Variants in UGT2A1 observed in about 807,000 individuals in gnomAD.
The protein encoded by UGT2A1 is UDP-glucuronosyltransferase 2A1.
In UGT2A1, 61 loss-of-function variants were observed where a neutral mutation model predicts 45.4. The ratio of observed to expected loss-of-function variants is 1.34; its 90% CI spans 1.09 to 1.66. The LOEUF (loss-of-function observed/expected upper bound fraction) is 1.66. Ranked by LOEUF, UGT2A1 falls within the 40% of genes most tolerant of loss-of-function variation. The pLI, the probability that UGT2A1 is intolerant of heterozygous loss-of-function variation, is 0.00. For missense variants in UGT2A1, 649 were observed against 574.3 expected (o/e 1.13, Z -1.33); for synonymous variants, 229 against 196.2 (o/e 1.17, Z -1.40).
chr4:69,652,501 C>T (rs1245650296), intron 1 of UGT2A1, among the ~76,000 whole-genome samples: 1 of 151,814 alleles, frequency 6.6e-6, no homozygotes, highest in Non-Finnish European at 1.5e-5. Flanking sequence ...GAACTTCTGA[C>T]CAGAGGTGAT....
chr4:69,589,166 T>A lies in UGT2A1; in HGVS notation c.*206A>T. The A allele has an allele frequency of 1.8e-6, 1 of 565,988 alleles. No homozygotes were observed. Among genetic ancestry groups the A allele is most frequent in the East Asian group, 3.6e-5 (1 of 27,650 alleles). 35.1% of individuals were successfully genotyped at this position (565,988 alleles called of 1,614,324 possible). On this transcript the variant is annotated 3_prime_UTR_variant, in exon 7 of 7. Coordinates refer to ENST00000286604, the MANE Select transcript of UGT2A1 (RefSeq NM_001252275.3). ...TCAGCAGGGAGAGACAAAGGAAAAA[T>A]AGAAGACTATAACTCACAAGTTAAT...
chr4:69,629,404 T>C (rs1721262961), intron 3 of UGT2A1, among the ~76,000 whole-genome samples: 4 of 152,086 alleles, frequency 2.6e-5, no homozygotes, highest in Admixed American at 2.6e-4. Context: ...TTCCAATCTT[T>C]TGGAATACAG....
chr4:69,646,931 T>G lies in UGT2A1; in HGVS notation c.714A>C (p.Leu238Phe). 2 of 1,560,902 alleles carry G rather than the reference T, an allele frequency of 1.3e-6. No individual in the cohort carries two copies. Among genetic ancestry groups the G allele is most frequent in the Admixed American group, 2.0e-5 (1 of 50,306 alleles). ...ATAAAAACAAAATTTGTTACATACC[T>G]AAAGCTTTACTATAGTATGAATCCC... ...KSWDSYYSKALGGLLLCCPGW... is the reference protein window; with the variant it reads ...KSWDSYYSKAFGGLLLCCPGW... The change falls in exon 2 of 7, where the codon TTA (leucine) becomes TTC (phenylalanine). Residue 238 changes from leucine (L) to phenylalanine (F), a missense_variant and splice_region_variant. Coordinates refer to ENST00000286604, the MANE Select transcript of UGT2A1 (RefSeq NM_001252275.3).
chr4:69,606,998 G>C (rs1231513834), intron 3 of UGT2A1, among the ~76,000 whole-genome samples: 1 of 135,828 alleles, frequency 7.4e-6, no homozygotes, highest in Non-Finnish European at 1.6e-5. Flanking sequence ...ACTGCCCAAG[G>C]TCATTTATAG....
chr4:69,618,221 T>A (rs59737874), intron 3 of UGT2A1, among the ~76,000 whole-genome samples: 1 of 144,640 alleles, frequency 6.9e-6, no homozygotes, highest in Non-Finnish European at 1.5e-5. Context: ...GTGTGTATGT[T>A]TGTGTGTGTG....
At chr4:69,629,735 G>T (rs1376656986) in intron 3 of UGT2A1, among the ~76,000 whole-genome samples, 6 of 152,066 alleles carry the variant, frequency 3.9e-5, no homozygotes, top group African/African-American at 1.4e-4. Context: ...TCTTTTCTGG[G>T]CTACCCTTCA....
chr4:69,608,386 C>T (rs1315897817), intron 3 of UGT2A1, among the ~76,000 whole-genome samples: 1 of 135,480 alleles, frequency 7.4e-6, no homozygotes, highest in African/African-American at 2.8e-5. Context: ...CATATGGACA[C>T]AGGAAGGGGA....
At chr4:69,591,584 G>A (rs919870594) in intron 6 of UGT2A1, among the ~76,000 whole-genome samples, 6 of 152,088 alleles carry the variant, frequency 3.9e-5, no homozygotes, top group African/African-American at 1.4e-4. Flanking sequence ...ATGCCAGAGA[G>A]GTATACTAAG....
chr4:69,598,346 T>C (rs921925701), intron 4 of UGT2A1, among the ~76,000 whole-genome samples: 1 of 152,182 alleles, frequency 6.6e-6, no homozygotes, highest in African/African-American at 2.4e-5. Flanking sequence ...TCACTCCTTA[T>C]TGATAGTTAA....
Position 69,598,319 on chromosome 4 carries a change from A to G in UGT2A1, c.996+927T>C, listed in dbSNP as rs531660413. Among the ~76,000 whole-genome samples, 3 of 152,264 alleles carry G rather than the reference A, an allele frequency of 2.0e-5. No homozygotes were observed. The East Asian group carries it at 5.8e-4, about 29-fold the overall frequency. On this transcript the variant is annotated intron_variant, in intron 4 of 6. Coordinates refer to ENST00000286604, the MANE Select transcript of UGT2A1 (RefSeq NM_001252275.3). ...CATTTGCTTGTGTATAAACCAAGTA[A>G]ATAATAGCCTGTTTCCTCACTCCTT...
chr4:69,626,084 A>G (rs994440532), intron 3 of UGT2A1, among the ~76,000 whole-genome samples: 1 of 151,420 alleles, frequency 6.6e-6, no homozygotes. Flanking sequence ...GCTCTCAGTC[A>G]TATATTTATG....
intron 3 of UGT2A1, among the ~76,000 whole-genome samples, chr4:69,627,568 A>G (rs200487414): frequency 0.042 from 6,209 of 148,628 alleles, 157 homozygotes; most frequent in East Asian, 0.066. Context: ...GAGAGAGAGA[A>G]AGAAAGAGAG....
At chr4:69,598,943 C>T (rs1325805012) in intron 4 of UGT2A1, among the ~76,000 whole-genome samples, 1 of 152,078 alleles carries the variant, frequency 6.6e-6, no homozygotes, top group Non-Finnish European at 1.5e-5. Flanking sequence ...AAGACTAGGG[C>T]AGTATCCTTC....
At chr4:69,611,772 A>G (rs1365847522) in intron 3 of UGT2A1, among the ~76,000 whole-genome samples, 1 of 152,152 alleles carries the variant, frequency 6.6e-6, no homozygotes, top group Non-Finnish European at 1.5e-5. Flanking sequence ...TCTGAAATAC[A>G]CAATTTAGTA....
chr4:69,608,589 T>C (rs1719828928), intron 3 of UGT2A1, among the ~76,000 whole-genome samples: 1 of 149,678 alleles, frequency 6.7e-6, no homozygotes, highest in African/African-American at 2.5e-5. Context: ...AAAAAGAAAA[T>C]AGGTAGGCTG....
chr4:69,626,847 C>T (rs1401642379), intron 3 of UGT2A1, among the ~76,000 whole-genome samples: 1 of 151,608 alleles, frequency 6.6e-6, no homozygotes, highest in African/African-American at 2.4e-5. Context: ...CTCAAATTGT[C>T]CCAGATTTTG....
Position 69,589,521 on chromosome 4 carries a change from G to A in UGT2A1, c.1435C>T (p.His479Tyr), listed in dbSNP as rs1436404647. 5 of 1,614,090 alleles carry A rather than the reference G, an allele frequency of 3.1e-6. No individual in the cohort carries two copies. Among genetic ancestry groups the A allele is most frequent in the Non-Finnish European group, 4.2e-6 (5 of 1,179,992 alleles). The change falls in exon 7 of 7, where the codon CAT (histidine) becomes TAT (tyrosine). Residue 479 changes from histidine (H) to tyrosine (Y), a missense_variant. Coordinates refer to ENST00000286604, the MANE Select transcript of UGT2A1 (RefSeq NM_001252275.3). ...KGAKHLRVAA[H>Y]DLTWFQYHSL... ...TGGTACTGGAACCAGGTGAGGTCAT[G>A]GGCTGCAACCCGAAGGTGCTTGGCT...
In UGT2A1 at chr4:69,589,263, G is replaced by T; in HGVS notation, c.*109C>A. The T allele has an allele frequency of 7.4e-7, 1 of 1,345,898 alleles. No homozygotes were observed. Among genetic ancestry groups the T allele is most frequent in the Non-Finnish European group, 9.8e-7 (1 of 1,020,916 alleles). 83.4% of individuals were successfully genotyped at this position (1,345,898 alleles called of 1,614,324 possible). On this transcript the variant is annotated 3_prime_UTR_variant, in exon 7 of 7. Coordinates refer to ENST00000286604, the MANE Select transcript of UGT2A1 (RefSeq NM_001252275.3). ...TAGAGAAATAGAAAATTTGGAAACA[G>T]GATGGGAGACGTGTTTTTGTTAAAC...
chr4:69,609,550 T>C (rs903061570), intron 3 of UGT2A1, among the ~76,000 whole-genome samples: 2 of 152,120 alleles, frequency 1.3e-5, no homozygotes, highest in East Asian at 1.9e-4. Flanking sequence ...CAACTGTTAA[T>C]AAAAGTCAGT....
Sources: allele counts gnomAD v4.1 joint callset (sites outside exome capture counted in the v4.1 genomes callset), GRCh38; gene constraint gnomAD v4.1.1; transcripts MANE v1.5; gene names NCBI Gene and HGNC (gene_info 2026-07-23, HGNC 2026-07-21).